Variants in ADGRL3 observed in about 807,000 individuals in gnomAD.
The protein encoded by ADGRL3 is calcium-independent alpha-latrotoxin receptor 3.
In ADGRL3, 62 loss-of-function variants were observed where a neutral mutation model predicts 153.5. That is an observed-to-expected ratio of 0.40 (90% CI 0.33 to 0.50). The LOEUF is 0.50. ADGRL3 is among the 20% of genes least tolerant of loss of function. The pLI, the probability that ADGRL3 is intolerant of heterozygous loss-of-function variation, is 0.47. For synonymous variants in ADGRL3, 710 were observed against 672.5 expected (o/e 1.06, Z -0.86); for missense variants, 1,641 against 1,859.4 (o/e 0.88, Z 2.16).
chr4:61,328,902 T>C (rs2095517034), intron 1 of ADGRL3, among the ~76,000 whole-genome samples: 1 of 152,152 alleles, frequency 6.6e-6, no homozygotes, highest in African/African-American at 2.4e-5. Context: ...TAGTGTGCAG[T>C]GATTCGTCCT....
At chr4:61,864,929 G>A (rs2098385298) in intron 9 of ADGRL3, among the ~76,000 whole-genome samples, 1 of 152,150 alleles carries the variant, frequency 6.6e-6, no homozygotes. Flanking sequence ...GTATTTTGTT[G>A]TTGTTTTGTT....
intron 9 of ADGRL3, among the ~76,000 whole-genome samples, chr4:61,847,968 T>C (rs191604233): frequency 3.3e-3 from 46 of 13,732 alleles, no homozygotes; most frequent in Admixed American, 0.016. Flanking sequence ...ATATATTATA[T>C]ATATAATATA....
chr4:61,247,923 A>G (rs933434632), intron 1 of ADGRL3, among the ~76,000 whole-genome samples: 1 of 152,094 alleles, frequency 6.6e-6, no homozygotes, highest in Non-Finnish European at 1.5e-5. Context: ...CGTAGAGTTA[A>G]TAGCAAAGAA....
intron 1 of ADGRL3, among the ~76,000 whole-genome samples, chr4:61,205,902 G>C (rs1736924922): frequency 2.0e-5 from 3 of 152,168 alleles, no homozygotes; most frequent in Admixed American, 2.0e-4. Flanking sequence ...TCATTACTCT[G>C]ATCTGAGTGT....
At chr4:61,303,879 A>C (rs2094673900) in intron 1 of ADGRL3, among the ~76,000 whole-genome samples, 1 of 152,218 alleles carries the variant, frequency 6.6e-6, no homozygotes, top group Non-Finnish European at 1.5e-5. Context: ...CAGAAAAATG[A>C]AGCTGTATTA....
At chr4:61,881,402 G>A (rs1460763131) in intron 9 of ADGRL3, among the ~76,000 whole-genome samples, 2 of 151,636 alleles carry the variant, frequency 1.3e-5, no homozygotes, top group Admixed American at 6.6e-5. Flanking sequence ...TTTTGGAAAC[G>A]GAGTCTGGCT....
At chr4:61,394,624 G>T (rs535888153) in intron 2 of ADGRL3, among the ~76,000 whole-genome samples, 1 of 152,052 alleles carries the variant, frequency 6.6e-6, no homozygotes, top group South Asian at 2.1e-4. Flanking sequence ...TACAATACAT[G>T]TAGTTGTTTT....
intron 1 of ADGRL3, among the ~76,000 whole-genome samples, chr4:61,277,351 T>C (rs536170150): frequency 6.6e-6 from 1 of 152,302 alleles, no homozygotes; most frequent in South Asian, 2.1e-4. Flanking sequence ...TTTGTCTTGA[T>C]GAATGCAGAT....
intron 5 of ADGRL3, among the ~76,000 whole-genome samples, chr4:61,675,370 A>G (rs2095151018): frequency 6.6e-6 from 1 of 152,062 alleles, no homozygotes; most frequent in Non-Finnish European, 1.5e-5. Context: ...AGTATCTCAT[A>G]TTATAGACTT....
chr4:61,583,895 C>T (rs898531114), intron 4 of ADGRL3, among the ~76,000 whole-genome samples: 6 of 151,956 alleles, frequency 3.9e-5, no homozygotes, highest in South Asian at 2.1e-4. Context: ...CAAATTATTA[C>T]GTTATGAGTC....
chr4:61,471,639 T>A (rs2097955241), intron 2 of ADGRL3, among the ~76,000 whole-genome samples: 1 of 151,928 alleles, frequency 6.6e-6, no homozygotes, highest in South Asian at 2.1e-4. Context: ...AATTTTAAGA[T>A]CTGAAAGTTG....
intron 8 of ADGRL3, among the ~76,000 whole-genome samples, chr4:61,794,408 A>G (rs894859209): frequency 6.6e-6 from 1 of 152,202 alleles, no homozygotes; most frequent in African/African-American, 2.4e-5. Flanking sequence ...TAATGTATTC[A>G]AAAGAGAAAG....
chr4:61,959,769 A>C (rs1303388404), intron 17 of ADGRL3, among the ~76,000 whole-genome samples: 1 of 152,154 alleles, frequency 6.6e-6, no homozygotes, highest in Non-Finnish European at 1.5e-5. Flanking sequence ...TATTATTAGA[A>C]ATTTAGAAAA....
chr4:61,935,814 G>T, intron 14 of ADGRL3, 109 bp from the exon 15 acceptor site: 1 of 979,510 alleles, frequency 1.0e-6, no homozygotes, highest in Non-Finnish European at 1.4e-6. Flanking sequence ...ATGACAAATA[G>T]AATAAGAATT....
intron 5 of ADGRL3, among the ~76,000 whole-genome samples, chr4:61,632,812 A>T (rs1471801426): frequency 6.6e-6 from 1 of 152,122 alleles, no homozygotes; most frequent in Non-Finnish European, 1.5e-5. Flanking sequence ...GAATGTTTTA[A>T]CCTTAGTTGA....
chr4:61,573,053 C>T (rs1049042008), intron 4 of ADGRL3, among the ~76,000 whole-genome samples: 1 of 151,882 alleles, frequency 6.6e-6, no homozygotes, highest in African/African-American at 2.4e-5. Flanking sequence ...ATAACAGTTA[C>T]TTATTAGCAC....
chr4:61,789,372 A>G (rs1236375814), intron 8 of ADGRL3, among the ~76,000 whole-genome samples: 7 of 152,144 alleles, frequency 4.6e-5, no homozygotes, highest in Non-Finnish European at 8.8e-5. Context: ...TGAGGGCTTT[A>G]CTATATGACA....
chr4:61,880,164 TA>T (rs1405179681), intron 9 of ADGRL3, among the ~76,000 whole-genome samples: 10 of 152,176 alleles, frequency 6.6e-5, no homozygotes, highest in Non-Finnish European at 1.0e-4. Context: ...GTCTTAGAGA[TA>T]AACATCCAGA....
chr4:61,382,529 A>T (rs1330622591), intron 1 of ADGRL3, among the ~76,000 whole-genome samples: 1 of 151,656 alleles, frequency 6.6e-6, no homozygotes, highest in African/African-American at 2.4e-5. Flanking sequence ...GAAAATAAAA[A>T]CTCAAATGCC....
Sources: gnomAD v4.1 joint callset for allele counts (sites outside exome capture counted in the v4.1 genomes callset) on GRCh38, gnomAD v4.1.1 for gene constraint, MANE v1.5 for transcripts, NCBI Gene and HGNC (gene_info 2026-07-23, HGNC 2026-07-21) for gene names.